DISP3: variants seen among roughly 807,000 people sequenced by gnomAD.
DISP3 encodes the protein dispatched RND transporter family member 3, also known as protein dispatched homolog 3.
A neutral mutation model predicts 135.3 loss-of-function variants in DISP3; 101 were observed. The observed-to-expected ratio is 0.75, with a 90% CI of 0.64 to 0.88. DISP3 has a LOEUF of 0.88. Ranked by LOEUF, DISP3 falls within the 40% of genes least tolerant of loss-of-function variation. The pLI is 0.00. For missense variants in DISP3, 1,713 were observed against 1,878.6 expected, an observed-to-expected ratio of 0.91 and a Z score of 1.63; for synonymous variants, 856 against 817.0, an observed-to-expected ratio of 1.05 and a Z score of -0.81.
chr1:11,488,826 C>T (rs1641108271), intron 1 of DISP3, among the ~76,000 whole-genome samples: 1 of 152,204 alleles, frequency 6.6e-6, no homozygotes, highest in Non-Finnish European at 1.5e-5. Context: ...AAATAAGTCC[C>T]TTCACTTCCT....
At position 11,520,579 on chromosome 1, in the gene DISP3, C is replaced by T; in HGVS notation, c.2201-108C>T. ...AGGGCCTTCCCCCGCACCCTTAGGACACCCGCCCCCCAACAACCAGAGCAG... is the reference window on the plus strand; with the variant it reads ...AGGGCCTTCCCCCGCACCCTTAGGATACCCGCCCCCCAACAACCAGAGCAG... On this transcript the variant is annotated intron_variant, in intron 9 of 20. Coordinates refer to ENST00000294484, the MANE Select transcript of DISP3 (RefSeq NM_020780.2). This position sits in a 1 kb window ranked among gnomAD's most constrained non-coding sequence, Gnocchi z 4.8. 2 of 1,317,136 alleles carry T rather than the reference C, an allele frequency of 1.5e-6. No individual in the cohort carries two copies. The highest frequency in any genetic ancestry group is 1.4e-5 in the South Asian group (1 of 70,494). The allele number at this position is 1,317,136 out of a possible 1,614,324, so 81.6% of individuals were successfully genotyped here. A position where few individuals can be genotyped will look rare whatever the true frequency, so the allele number is the denominator to read the frequency against.
In DISP3 at chr1:11,486,865, G is replaced by A. The variant is rs184813349; in HGVS notation, c.-4+7493G>A. ...GGATAAGTTTTTTACTTTTAGTAGA[G>A]ACAAGGTCTCCCTATGTTGCCCAGG... On this transcript the variant is annotated intron_variant, in intron 1 of 20. Transcript: ENST00000294484. Among the ~76,000 whole-genome samples, 45 of 152,202 alleles carry A rather than the reference G, an allele frequency of 3.0e-4. 1 individual carries two copies. The East Asian group carries it at 6.8e-3, about 23-fold the overall frequency.
At position 11,519,424 on chromosome 1, in the gene DISP3, G is replaced by T; in HGVS notation, c.1959G>T (p.Gln653His). ...GAGACGTGTTTGCCGCTCCCGAGCA[G>T]GTTGGAGGCAGCCCTGCCCAGGGCC... is the stretch of plus-strand genomic sequence containing the variant. ...FPGDVFAAPE[Q>H]VGGSPAQGPI... The change falls in exon 8 of 21, where the codon CAG becomes CAT. Residue 653 changes from glutamine (Q) to histidine (H), a missense_variant. Gln to His is a conservative substitution (Grantham distance 24, BLOSUM62 0). This residue lies in a region of DISP3 where 1,142 missense variants were observed against 1,384.6 expected (regional missense o/e 0.82). Transcript: ENST00000294484. The surrounding 1 kb of genome is among the most constrained non-coding windows in gnomAD (Gnocchi z 4.3). The T allele has an allele frequency of 1.2e-6, 2 of 1,613,852 alleles. No homozygotes were observed. The highest frequency in any genetic ancestry group is 1.7e-6 in the Non-Finnish European group (2 of 1,180,006).
At chr1:11,515,816 G>T (rs556393882) in intron 5 of DISP3, among the ~76,000 whole-genome samples, 185 bp from the exon 6 acceptor site, 1 of 152,260 alleles carries the variant, frequency 6.6e-6, no homozygotes, top group South Asian at 2.1e-4. Flanking sequence ...AGTGTGGTGG[G>T]TGGGGCTTGA....
rs1425804742 is a variant in DISP3 at position 11,536,450 on chromosome 1, T to C, written c.3943T>C (p.Phe1315Leu). ...VPLFFCIIAP[F>L]AKFGKIVALN... ...CCTCTTCTTCTGCATCATCGCCCCA[T>C]TTGCCAAGTTCGGCAAGATTGTGGC... Residue 1315 changes from phenylalanine (F) to leucine (L), a missense_variant, in exon 21 of 21, where the codon TTT becomes CTT. Transcript: ENST00000294484. The surrounding 1 kb of genome is among the most constrained non-coding windows in gnomAD (Gnocchi z 4.3). 2 of 1,613,568 alleles carry C rather than the reference T, an allele frequency of 1.2e-6. No homozygotes were observed. Among genetic ancestry groups the C allele is most frequent in the African/African-American group, 2.7e-5 (2 of 74,940 alleles).
rs114758463 is a variant in DISP3 at position 11,511,137 on chromosome 1, C to T, written c.1317-3253C>T. Reference sequence around the variant, plus strand: ...ATGCAATTCAAGTTGAGATTTAGGTCAGGACACAGCCAAATCATATCATTC... The same window carrying T: ...ATGCAATTCAAGTTGAGATTTAGGTTAGGACACAGCCAAATCATATCATTC... On this transcript the variant is annotated intron_variant, in intron 3 of 20. Coordinates refer to ENST00000294484, the MANE Select transcript of DISP3 (RefSeq NM_020780.2). Among the ~76,000 whole-genome samples the T allele has an allele frequency of 4.8e-3, 738 of 152,268 alleles. 7 individuals carry two copies. The highest frequency in any genetic ancestry group is 0.017 in the African/African-American group (699 of 41,562).
intron 10 of DISP3, among the ~76,000 whole-genome samples, chr1:11,523,119 C>G (rs984408215): frequency 7.9e-5 from 12 of 152,210 alleles, no homozygotes; most frequent in Admixed American, 6.5e-4. Context: ...GGCTGCAAGT[C>G]CCTCCCTGGG....
chr1:11,508,477 A>G (rs1212448617), intron 3 of DISP3, among the ~76,000 whole-genome samples: 1 of 151,524 alleles, frequency 6.6e-6, no homozygotes, highest in African/African-American at 2.4e-5. Context: ...ATATTTCCCT[A>G]TTATCTTTTT....
intron 1 of DISP3, among the ~76,000 whole-genome samples, chr1:11,480,294 A>G (rs1225235203): frequency 6.6e-6 from 1 of 151,950 alleles, no homozygotes; most frequent in Non-Finnish European, 1.5e-5. Context: ...CGCCCTAGAA[A>G]CTCAGAAGCC....
At chr1:11,535,173 A>G in intron 19 of DISP3, 49 bp downstream of exon 19, 2 of 1,519,786 alleles carry the variant, frequency 1.3e-6, no homozygotes, top group African/African-American at 2.7e-5. Context: ...GGACGGGAAC[A>G]GACAGTCTCC....
rs1642698836 is a variant in DISP3, at chr1:11,536,046, T to G, written c.3817-278T>G. Among the ~76,000 whole-genome samples, 1 of 152,192 alleles carries G rather than the reference T, an allele frequency of 6.6e-6. No homozygotes were observed. Among genetic ancestry groups the G allele is most frequent in the Non-Finnish European group, 1.5e-5 (1 of 68,040 alleles). ...AAACCGGCTCTGGGCCTAGTAACGA[T>G]TTTTTTCTTTAGTTTGGAATTGCGT... is the stretch of plus-strand genomic sequence containing the variant. On this transcript the variant is annotated intron_variant, in intron 20 of 20. Transcript: ENST00000294484. The surrounding 1 kb of genome is among the most constrained non-coding windows in gnomAD (Gnocchi z 4.3).
At chr1:11,526,149 A>G (rs1642410935) in intron 12 of DISP3, among the ~76,000 whole-genome samples, 1 of 152,172 alleles carries the variant, frequency 6.6e-6, no homozygotes, top group South Asian at 2.1e-4. Flanking sequence ...CCTGCCTCTA[A>G]GCCTCGCATG....
At chr1:11,481,114 T>G (rs1461333234) in intron 1 of DISP3, 1 of 152,436 alleles carries the variant, frequency 6.6e-6, no homozygotes, top group East Asian at 1.9e-4. Context: ...TTTTGGTCTT[T>G]CCAGTCATCC....
chr1:11,480,973 T>C (rs965517907), intron 1 of DISP3, among the ~76,000 whole-genome samples: 5 of 151,306 alleles, frequency 3.3e-5, no homozygotes, highest in African/African-American at 1.2e-4. Context: ...CACACACATG[T>C]ACAATCAGGG....
intron 13 of DISP3, among the ~76,000 whole-genome samples, chr1:11,528,283 G>A (rs928420020): frequency 2.6e-5 from 4 of 152,188 alleles, no homozygotes; most frequent in African/African-American, 9.7e-5. Flanking sequence ...ACTACATGCC[G>A]AGTCAGAGGC....
At chr1:11,522,893 A>G (rs1362831647) in intron 10 of DISP3, among the ~76,000 whole-genome samples, 1,299 of 38,134 alleles carry the variant, frequency 0.034, 11 homozygotes, top group Non-Finnish European at 0.049. Flanking sequence ...CCCAGCCAGG[A>G]CCCAGCCAGA....
rs768198490 is a variant in DISP3, at chr1:11,536,841, A to C, written c.*155A>C. 2.3e-5 allele frequency: 24 copies of C among 1,041,086 alleles called. No homozygotes were observed. Among genetic ancestry groups the C allele is most frequent in the Non-Finnish European group, 2.8e-5 (21 of 743,850 alleles). The allele number at this position is 1,041,086 out of a possible 1,614,324, so 64.5% of individuals were successfully genotyped here. A position where few individuals can be genotyped will look rare whatever the true frequency, so the allele number is the denominator to read the frequency against. ...GCTGACACCCACACAGATGGTGTGG[A>C]CCATGCTGCCTTGTGGAGCTGGGAG... On this transcript the variant is annotated 3_prime_UTR_variant, in exon 21 of 21. Coordinates refer to ENST00000294484, the MANE Select transcript of DISP3 (RefSeq NM_020780.2). The surrounding 1 kb of genome is among the most constrained non-coding windows in gnomAD (Gnocchi z 4.3).
intron 3 of DISP3, among the ~76,000 whole-genome samples, chr1:11,510,427 G>A: frequency 6.6e-6 from 1 of 151,884 alleles, no homozygotes; most frequent in South Asian, 2.1e-4. Context: ...TAGTATAAGA[G>A]CTTTACAATA....
chr1:11,487,007 C>G (rs2379135), intron 1 of DISP3, among the ~76,000 whole-genome samples: 2 of 152,144 alleles, frequency 1.3e-5, no homozygotes, highest in East Asian at 3.9e-4. Context: ...AGAAAGTCCT[C>G]ATTTTATATA....
Sources: allele counts gnomAD v4.1 joint callset (sites outside exome capture counted in the v4.1 genomes callset), GRCh38; gene constraint gnomAD v4.1.1; regional missense constraint gnomAD v4.1.1; non-coding constraint Gnocchi (gnomAD v3.1); transcripts MANE v1.5; gene names NCBI Gene and HGNC (gene_info 2026-07-23, HGNC 2026-07-21).